LRRTM3: variants seen among roughly 807,000 people sequenced by gnomAD.
The protein encoded by LRRTM3 is leucine-rich repeat transmembrane neuronal protein 3.
Under a neutral mutation model 44.7 loss-of-function variants are expected in LRRTM3, and 24 were observed. That is an observed-to-expected ratio of 0.54 (90% CI 0.39 to 0.76). The LOEUF (loss-of-function observed/expected upper bound fraction) is 0.76, where lower values mean the gene tolerates loss of function less well. Among genes scored for constraint, LRRTM3 ranks in the 30% least tolerant of loss-of-function variants. The pLI is 0.00. For synonymous variants in LRRTM3, 277 were observed against 278.7 expected (o/e 0.99, Z 0.06); for missense variants, 587 against 702.2 (o/e 0.84, Z 1.85).
At chr10:67,036,363 GTTTCAAGCAAT>G (rs1195453162) in intron 2 of LRRTM3, among the ~76,000 whole-genome samples, 22 of 151,728 alleles carry the variant, frequency 1.4e-4, no homozygotes, top group African/African-American at 5.1e-4. Context: ...TCTCCCTTCA[GTTTCAAGCAAT>G]TCTCCTGCCT....
chr10:66,976,196 AATT>A (rs1850020689), intron 2 of LRRTM3, among the ~76,000 whole-genome samples: 1 of 152,204 alleles, frequency 6.6e-6, no homozygotes, highest in African/African-American at 2.4e-5. Flanking sequence ...CTCATGAAAT[AATT>A]ATAAGTATTT....
At chr10:67,056,761 A>G (rs1012488502) in intron 2 of LRRTM3, among the ~76,000 whole-genome samples, 1 of 152,218 alleles carries the variant, frequency 6.6e-6, no homozygotes, top group Non-Finnish European at 1.5e-5. Context: ...AGTACTTTAT[A>G]TGACAACTAT....
chr10:66,982,558 G>A (rs535440869), intron 2 of LRRTM3, among the ~76,000 whole-genome samples: 38 of 152,250 alleles, frequency 2.5e-4, no homozygotes, highest in African/African-American at 7.9e-4. Context: ...TTGGCAGGAA[G>A]AGGTATAAAA....
At chr10:67,065,127 G>T (rs1032325565) in intron 2 of LRRTM3, among the ~76,000 whole-genome samples, 3 of 151,996 alleles carry the variant, frequency 2.0e-5, no homozygotes, top group African/African-American at 7.2e-5. Flanking sequence ...GAAATTCAAG[G>T]CACCATGGTT....
At chr10:67,079,219 G>A (rs993066613) in intron 2 of LRRTM3, among the ~76,000 whole-genome samples, 2 of 152,134 alleles carry the variant, frequency 1.3e-5, no homozygotes, top group East Asian at 1.9e-4. Flanking sequence ...ATGAGCACAC[G>A]CTGTGCACAA....
chr10:66,970,347 T>C (rs1204468929), intron 2 of LRRTM3, among the ~76,000 whole-genome samples: 2 of 152,158 alleles, frequency 1.3e-5, no homozygotes, highest in Non-Finnish European at 2.9e-5. Flanking sequence ...AAGTCATCCA[T>C]ATATTACCTG....
At chr10:66,994,925 C>A (rs1333549672) in intron 2 of LRRTM3, among the ~76,000 whole-genome samples, 2 of 152,172 alleles carry the variant, frequency 1.3e-5, no homozygotes, top group Non-Finnish European at 2.9e-5. Context: ...AACATGGGCT[C>A]AGCTAATACC....
At chr10:66,985,448 C>T (rs1458636976) in intron 2 of LRRTM3, among the ~76,000 whole-genome samples, 6 of 152,118 alleles carry the variant, frequency 3.9e-5, no homozygotes, top group African/African-American at 1.4e-4. Flanking sequence ...CACTGCCAAT[C>T]AGTGGGGAGC....
chr10:66,980,034 C>CT (rs1394274822), intron 2 of LRRTM3, among the ~76,000 whole-genome samples: 2 of 152,108 alleles, frequency 1.3e-5, no homozygotes, highest in Middle Eastern at 3.2e-3. Context: ...ACTGGAGACA[C>CT]TTTTTTCCCT....
intron 2 of LRRTM3, among the ~76,000 whole-genome samples, chr10:67,021,167 C>T (rs947963545): frequency 1.2e-4 from 18 of 151,786 alleles, no homozygotes; most frequent in Non-Finnish European, 2.6e-4. Flanking sequence ...GTAATTTAGG[C>T]AAAAGTATCA....
rs527699623 is a variant in LRRTM3, at chr10:66,986,030, A to G, written c.1536+57578A>G. 5.7e-4 allele frequency among the ~76,000 whole-genome samples: 87 copies of G among 152,170 alleles called. 1 individual carries two copies. Among genetic ancestry groups the G allele is most frequent in the African/African-American group, 1.8e-3 (74 of 41,536 alleles). ...CGTGAGCCACCATGCCTGGCCTCACATTCCTTCTTTTAATTATTTGCATTG... is the reference window on the plus strand; with the variant it reads ...CGTGAGCCACCATGCCTGGCCTCACGTTCCTTCTTTTAATTATTTGCATTG... On this transcript the variant is annotated intron_variant, in intron 2 of 2. Transcript: ENST00000361320.
chr10:66,930,388 A>AT (rs1016866661), intron 2 of LRRTM3, among the ~76,000 whole-genome samples: 3 of 152,150 alleles, frequency 2.0e-5, no homozygotes, highest in South Asian at 2.1e-4. Flanking sequence ...GCTTATTGTG[A>AT]TTTTTTTACT....
In LRRTM3 at chr10:67,077,900, T is replaced by G. The variant is rs565114162; in HGVS notation, c.1537-19687T>G. On this transcript the variant is annotated intron_variant, in intron 2 of 2. Coordinates refer to ENST00000361320, the MANE Select transcript of LRRTM3 (RefSeq NM_178011.5). ...AATCTTTTTATCTAGATTTCTAGAT[T>G]AACAGAGGAGGAAGGGAAGGGGACA... is the stretch of plus-strand genomic sequence containing the variant. Among the ~76,000 whole-genome samples, 13 of 152,268 alleles carry G rather than the reference T, an allele frequency of 8.5e-5. No homozygotes were observed. In the East Asian group the frequency reaches 9.7e-4, roughly 11 times the overall value.
chr10:66,980,931 A>G (rs765881762), intron 2 of LRRTM3, among the ~76,000 whole-genome samples: 11 of 145,342 alleles, frequency 7.6e-5, no homozygotes, highest in Non-Finnish European at 1.3e-4. Context: ...TTTGAGACAG[A>G]GTTTCACTCT....
intron 2 of LRRTM3, among the ~76,000 whole-genome samples, chr10:67,066,668 C>T (rs1856111201): frequency 2.0e-5 from 3 of 152,064 alleles, no homozygotes; most frequent in Admixed American, 2.0e-4. Context: ...GTGACTTTCT[C>T]ATCTTGAATA....
intron 2 of LRRTM3, among the ~76,000 whole-genome samples, chr10:66,952,461 C>G (rs1287941398): frequency 1.3e-5 from 2 of 152,124 alleles, no homozygotes; most frequent in African/African-American, 4.8e-5. Context: ...GGAGACGATT[C>G]AGGGTATGCC....
intron 2 of LRRTM3, among the ~76,000 whole-genome samples, chr10:66,969,222 A>C (rs1849593052): frequency 6.6e-6 from 1 of 152,076 alleles, no homozygotes; most frequent in African/African-American, 2.4e-5. Flanking sequence ...AAACATTCAT[A>C]CATCTATGCA....
At chr10:67,056,202 A>G (rs1054300114) in intron 2 of LRRTM3, among the ~76,000 whole-genome samples, 4 of 152,156 alleles carry the variant, frequency 2.6e-5, no homozygotes, top group African/African-American at 9.6e-5. Flanking sequence ...CTGAGCTTTA[A>G]TAAAATATGG....
intron 2 of LRRTM3, among the ~76,000 whole-genome samples, chr10:67,080,939 A>C (rs112805561): frequency 0.06 from 2,875 of 48,066 alleles, 57 homozygotes; most frequent in African/African-American, 0.23. Context: ...AAAACAACAA[A>C]AAAAAAAAAA....
Sources: allele counts gnomAD v4.1 joint callset (sites outside exome capture counted in the v4.1 genomes callset), GRCh38; gene constraint gnomAD v4.1.1; transcripts MANE v1.5; gene names NCBI Gene and HGNC (gene_info 2026-07-23, HGNC 2026-07-21).